The following PALLD variants were observed in gnomAD, a reference collection of about 807,000 sequenced individuals.
PALLD encodes the protein palladin.
Under a neutral mutation model 123.5 loss-of-function variants are expected in PALLD, and 61 were observed. The observed-to-expected ratio is 0.49, with a 90% CI of 0.40 to 0.61. The LOEUF is 0.61. Among genes scored for constraint, PALLD ranks in the 20% least tolerant of loss-of-function variants. The pLI, the probability that PALLD is intolerant of heterozygous loss-of-function variation, is 0.00. For missense variants in PALLD, 1,273 were observed against 1,377.0 expected (o/e 0.92, Z 1.20); for synonymous variants, 465 against 496.4 (o/e 0.94, Z 0.84).
chr4:168,878,094 C>T lies in PALLD; in HGVS notation c.1965-12828C>T, dbSNP rs1060502974. The T allele has an allele frequency of 3.5e-6, 5 of 1,444,680 alleles. No individual in the cohort carries two copies. Among genetic ancestry groups the T allele is most frequent in the Non-Finnish European group, 3.6e-6 (4 of 1,107,708 alleles). 89.5% of individuals were successfully genotyped at this position (1,444,680 alleles called of 1,614,324 possible). A position where few individuals can be genotyped will look rare whatever the true frequency, so the allele number is the denominator to read the frequency against. On this transcript the variant is annotated intron_variant, in intron 10 of 21. Transcript: ENST00000505667. ...CAGTTCGGCCGCGCCCCCGTGCCGC[C>T]CTTCGCGCAGCCCTTCGGCGCTGAG... is the stretch of plus-strand genomic sequence containing the variant.
rs35555541 is a variant in PALLD at position 168,527,422 on chromosome 4, C to CAAAAAAAAAAAAAAAAAAAAAAAA, written c.908+15032_908+15033insAAAAAAAAAAAAAAAAAAAAAAAA. On this transcript the variant is annotated intron_variant, in intron 2 of 21. Transcript: ENST00000505667. ...GGGCAACAGGAGTGAAACTCCATCT[C>CAAAAAAAAAAAAAAAAAAAAAAAA]AAAAAAAAAAAAAAAAAAAAAAGTC... Among the ~76,000 whole-genome samples, 37 of 52,912 alleles carry CAAAAAAAAAAAAAAAAAAAAAAAA rather than the reference C, an allele frequency of 7.0e-4. 2 individuals are homozygous for CAAAAAAAAAAAAAAAAAAAAAAAA. The highest frequency in any genetic ancestry group is 7.3e-4 in the Non-Finnish European group (24 of 32,938). The allele number at this position is 52,912 out of a possible 152,430, so 34.7% of individuals were successfully genotyped here. A position where few individuals can be genotyped will look rare whatever the true frequency, so the allele number is the denominator to read the frequency against.
chr4:168,877,099 A>G (rs1751848167), intron 10 of PALLD, among the ~76,000 whole-genome samples: 1 of 152,238 alleles, frequency 6.6e-6, no homozygotes, highest in Non-Finnish European at 1.5e-5. Context: ...TACAATATCA[A>G]TGTGTATTAA....
intron 2 of PALLD, among the ~76,000 whole-genome samples, chr4:168,595,169 G>T (rs1472182260): frequency 6.6e-6 from 1 of 152,136 alleles, no homozygotes; most frequent in Non-Finnish European, 1.5e-5. Context: ...GATAAGTTGT[G>T]GTGGGGCCTG....
chr4:168,561,363 A>C (rs943239994), intron 2 of PALLD, among the ~76,000 whole-genome samples: 1 of 152,084 alleles, frequency 6.6e-6, no homozygotes, highest in Non-Finnish European at 1.5e-5. Flanking sequence ...CTAGGGTTAA[A>C]CGATCCTCTT....
chr4:168,607,616 T>G (rs1281443168), intron 2 of PALLD, among the ~76,000 whole-genome samples: 1 of 152,200 alleles, frequency 6.6e-6, no homozygotes, highest in Admixed American at 6.5e-5. Flanking sequence ...TTCAACAAAC[T>G]TGATCTCCAT....
chr4:168,910,662 T>C (rs1313512033), intron 15 of PALLD, among the ~76,000 whole-genome samples: 1 of 152,160 alleles, frequency 6.6e-6, no homozygotes, highest in African/African-American at 2.4e-5. Flanking sequence ...TAAGAACCCA[T>C]TAGGTATTAA....
intron 10 of PALLD, among the ~76,000 whole-genome samples, chr4:168,796,864 G>T (rs7680672): frequency 9.2e-5 from 14 of 152,046 alleles, no homozygotes; most frequent in African/African-American, 2.9e-4. Flanking sequence ...CTCCTAATTC[G>T]AGGTCATGTG....
intron 8 of PALLD, 93 bp downstream of exon 8, chr4:168,691,385 C>A (rs1782612977): frequency 2.0e-6 from 2 of 1,016,356 alleles, no homozygotes; most frequent in African/African-American, 1.6e-5. Flanking sequence ...TACCTTAAAG[C>A]CGTAAGCAGA....
In PALLD at chr4:168,580,587, C is replaced by T. The variant is rs149263241; in HGVS notation, c.908+68175C>T. On this transcript the variant is annotated intron_variant, in intron 2 of 21. Coordinates refer to ENST00000505667, the MANE Select transcript of PALLD (RefSeq NM_001166108.2). ...TGGAAATTCCTCAAAGAACTAACTA[C>T]AGAACTATCATTTGACCCAACAATC... 2.2e-3 allele frequency among the ~76,000 whole-genome samples: 330 copies of T among 152,128 alleles called. 4 individuals are homozygous for T. Among genetic ancestry groups the T allele is most frequent in the African/African-American group, 4.2e-3 (173 of 41,520 alleles).
intron 10 of PALLD, among the ~76,000 whole-genome samples, chr4:168,798,272 T>A (rs1420824058): frequency 6.6e-6 from 1 of 152,168 alleles, no homozygotes; most frequent in Non-Finnish European, 1.5e-5. Context: ...TAAATTCCTC[T>A]AAATAAGAAT....
chr4:168,701,485 T>G lies in PALLD; in HGVS notation c.1502-7543T>G, dbSNP rs560062325. 2.0e-5 allele frequency among the ~76,000 whole-genome samples: 3 copies of G among 152,338 alleles called. No individual in the cohort carries two copies. In the East Asian group the frequency reaches 5.8e-4, roughly 29 times the overall value. On this transcript the variant is annotated intron_variant, in intron 8 of 21. Coordinates refer to ENST00000505667, the MANE Select transcript of PALLD (RefSeq NM_001166108.2). Reference sequence around the variant, plus strand: ...GCAACTGTATATTCATCCTCAGGTTTTCTGAAAAATGGCATGACTAAAAGA... The same window carrying G: ...GCAACTGTATATTCATCCTCAGGTTGTCTGAAAAATGGCATGACTAAAAGA...
intron 2 of PALLD, among the ~76,000 whole-genome samples, chr4:168,632,101 C>T (rs1775883556): frequency 9.1e-6 from 1 of 109,584 alleles, no homozygotes; most frequent in African/African-American, 3.6e-5. Flanking sequence ...GCGGGTCCTG[C>T]TTCGCGGGAC....
At chr4:168,549,065 T>C (rs2149532338) in intron 2 of PALLD, among the ~76,000 whole-genome samples, 1 of 152,184 alleles carries the variant, frequency 6.6e-6, no homozygotes, top group African/African-American at 2.4e-5. Context: ...AAAGTTGCTA[T>C]TAAATCTTGA....
At chr4:168,686,677 C>A (rs1367437178) in intron 6 of PALLD, 4 of 152,268 alleles carry the variant, frequency 2.6e-5, no homozygotes, top group Non-Finnish European at 4.4e-5. Flanking sequence ...TTCTCTGTAT[C>A]ATCTCGATCT....
chr4:168,706,751 C>CA (rs1784267812), intron 8 of PALLD, among the ~76,000 whole-genome samples: 1 of 151,702 alleles, frequency 6.6e-6, no homozygotes, highest in East Asian at 1.9e-4. Context: ...CTTGGTAATA[C>CA]AAAAAAATAG....
At chr4:168,521,606 A>G (rs140036226) in intron 2 of PALLD, among the ~76,000 whole-genome samples, 132 of 152,266 alleles carry the variant, frequency 8.7e-4, no homozygotes, top group African/African-American at 2.8e-3. Context: ...CCTTTTCAAA[A>G]ACCTTTGACT....
chr4:168,599,548 G>A (rs1580505146), intron 2 of PALLD, among the ~76,000 whole-genome samples: 1 of 152,246 alleles, frequency 6.6e-6, no homozygotes, highest in African/African-American at 2.4e-5. Flanking sequence ...TGCCGTAAGT[G>A]GGAGAATAGT....
At chr4:168,543,321 C>CTT (rs10649595) in intron 2 of PALLD, among the ~76,000 whole-genome samples, 66,785 of 145,868 alleles carry the variant, frequency 0.46, 15,634 homozygotes, top group East Asian at 0.83. Flanking sequence ...TTATATTTAT[C>CTT]TTTTTTTTTT....
At chr4:168,719,445 A>G (rs1785749958) in intron 10 of PALLD, among the ~76,000 whole-genome samples, 1 of 151,808 alleles carries the variant, frequency 6.6e-6, no homozygotes, top group South Asian at 2.1e-4. Context: ...CTTTTAGTAG[A>G]GACGAGGTTT....
Sources: allele counts gnomAD v4.1 joint callset (sites outside exome capture counted in the v4.1 genomes callset), GRCh38; gene constraint gnomAD v4.1.1; transcripts MANE v1.5; gene names NCBI Gene and HGNC (gene_info 2026-07-23, HGNC 2026-07-21).